The following SBF1 variants were observed in gnomAD, a reference collection of about 807,000 sequenced individuals.
SBF1 encodes the protein SET binding factor 1, also known as myotubularin-related protein 5.
SBF1 carries 65 observed loss-of-function variants against 215.8 expected under a neutral mutation model. That is an observed-to-expected ratio of 0.30 (90% CI 0.25 to 0.37). The LOEUF (loss-of-function observed/expected upper bound fraction) is 0.37, where lower values mean the gene tolerates loss of function less well. Among genes scored for constraint, SBF1 ranks in the 10% least tolerant of loss-of-function variants. The pLI, the probability that SBF1 is intolerant of heterozygous loss-of-function variation, is 1.00. For synonymous variants in SBF1, 1,410 were observed against 1,122.8 expected, an observed-to-expected ratio of 1.26 and a Z score of -5.11; for missense variants, 2,634 against 2,667.8, an observed-to-expected ratio of 0.99 and a Z score of 0.28.
Position 50,455,531 on chromosome 22 carries a change from C to A in SBF1, c.4318G>T (p.Gly1440Cys). The change falls in exon 32 of 41, where the codon GGC becomes TGC. Residue 1440 changes from glycine (G) to cysteine (C), a missense_variant. Transcript: ENST00000380817. ...SVLVVELLDS[G>C]SSVLVGLEDG... is the part of the protein sequence containing the mutation. ...TCCAGGCCCACCAGCACGGAGGAGC[C>A]TGAATCCAGGAGCTCCACCACCAGC... 1 of 1,600,270 alleles carries A rather than the reference C, an allele frequency of 6.2e-7. No individual in the cohort carries two copies. The highest frequency in any genetic ancestry group is 8.5e-7 in the Non-Finnish European group (1 of 1,173,816).
chr22:50,456,751 A>AG, intron 29 of SBF1, 78 bp from the exon 30 acceptor site: 1 of 1,299,338 alleles, frequency 7.7e-7, no homozygotes, highest in Non-Finnish European at 1.0e-6. Context: ...CCCGGCCTCC[A>AG]GGGAGGGGGC....
chr22:50,460,478 T>G, intron 24 of SBF1, 56 bp downstream of exon 24: 1 of 1,607,000 alleles, frequency 6.2e-7, no homozygotes, highest in Non-Finnish European at 8.5e-7. Context: ...CCTAGGAGGG[T>G]TGGAGCGGGA....
chr22:50,452,714 T>A (rs2067092068), intron 36 of SBF1, among the ~76,000 whole-genome samples: 3 of 86,738 alleles, frequency 3.5e-5, no homozygotes, highest in Non-Finnish European at 5.9e-5. Flanking sequence ...TGAGGGAGAC[T>A]CCATCTCTCA....
intron 7 of SBF1, 24 bp from the exon 8 acceptor site, chr22:50,466,282 G>A (rs1375074941): frequency 1.9e-6 from 3 of 1,613,258 alleles, no homozygotes; most frequent in Non-Finnish European, 2.5e-6. Flanking sequence ...AGAGGATGCA[G>A]TGAGCCAGGG....
chr22:50,452,513 G>GT (rs1395308367), intron 36 of SBF1, among the ~76,000 whole-genome samples: 1 of 152,032 alleles, frequency 6.6e-6, no homozygotes, highest in Non-Finnish European at 1.5e-5. Flanking sequence ...GAGGTCAGGA[G>GT]TTTGAGACTA....
intron 36 of SBF1, among the ~76,000 whole-genome samples, chr22:50,451,459 T>C (rs921155476): frequency 2.0e-5 from 3 of 151,946 alleles, no homozygotes; most frequent in Non-Finnish European, 4.4e-5. Context: ...ATTGCAAAGA[T>C]AAAGACTGAG....
In SBF1 at chr22:50,474,977, G is replaced by T. The variant is rs758311918; in HGVS notation, c.-137C>A. 1.7e-5 allele frequency: 6 copies of T among 344,104 alleles called. No homozygotes were observed. Among genetic ancestry groups the T allele is most frequent in the African/African-American group, 1.3e-4 (6 of 44,666 alleles). 21.3% of individuals were successfully genotyped at this position (344,104 alleles called of 1,614,324 possible). ...CCCTGGTTCGCTCCGCGGCGGCGGCGGCGGCGGCGGCGGCGGCCCAGGTTC... is the reference window on the plus strand; with the variant it reads ...CCCTGGTTCGCTCCGCGGCGGCGGCTGCGGCGGCGGCGGCGGCCCAGGTTC... On this transcript the variant is annotated 5_prime_UTR_variant, in exon 1 of 41. Transcript: ENST00000380817.
In SBF1 at chr22:50,453,735, G is replaced by A. The variant is rs150772332; in HGVS notation, c.5043+777C>T. The stretch of plus-strand genomic sequence containing the variant: ...CCGGGAGACGGAGCTTGCAGTGAGC[G>A]GAGATCGCGCCACTACACTCCAGCC... On this transcript the variant is annotated intron_variant, in intron 36 of 40. Coordinates refer to ENST00000380817, the MANE Select transcript of SBF1 (RefSeq NM_002972.4). Among the ~76,000 whole-genome samples, 298 of 152,154 alleles carry A rather than the reference G, an allele frequency of 2.0e-3. 1 individual carries two copies. The highest frequency in any genetic ancestry group is 6.8e-3 in the African/African-American group (282 of 41,492).
At chr22:50,459,044 A>AG (rs1360225579) in intron 28 of SBF1, among the ~76,000 whole-genome samples, 2 of 152,120 alleles carry the variant, frequency 1.3e-5, no homozygotes, top group African/African-American at 4.8e-5. Flanking sequence ...GCAGGAGGTC[A>AG]GGGCACACAC....
chr22:50,446,938 C>T lies in SBF1; in HGVS notation c.*204G>A. On this transcript the variant is annotated 3_prime_UTR_variant, in exon 41 of 41. Coordinates refer to ENST00000380817, the MANE Select transcript of SBF1 (RefSeq NM_002972.4). The stretch of plus-strand genomic sequence containing the variant: ...GGGCTGTACCTTGGCCACCTCCCGG[C>T]ACGGTGCTCAGCTGTGACGCCAAAA... 1.4e-6 allele frequency: 1 copy of T among 712,340 alleles called. No individual in the cohort carries two copies. The highest frequency in any genetic ancestry group is 1.5e-5 in the South Asian group (1 of 67,878). 44.1% of individuals were successfully genotyped at this position (712,340 alleles called of 1,614,324 possible).
rs1360185294 is a variant in SBF1 at position 50,446,444 on chromosome 22, G to C, written c.*698C>G. ...TCCACCTCAAGTGTCCTCTGGACCT[G>C]CAACAGCCTTCTGGGGTCAAATGAC... On this transcript the variant is annotated 3_prime_UTR_variant, in exon 41 of 41. Transcript: ENST00000380817. The C allele has an allele frequency of 6.0e-6, 1 of 165,842 alleles. No homozygotes were observed. Among genetic ancestry groups the C allele is most frequent in the African/African-American group, 2.5e-5 (1 of 39,474 alleles). 10.3% of individuals were successfully genotyped at this position (165,842 alleles called of 1,614,324 possible).
Position 50,447,130 on chromosome 22 carries a change from G to C in SBF1, c.*12C>G, listed in dbSNP as rs1569507824. ...CGACCGGAAGCAGAGCAGCCGGGCAGGGCTGGGAGGCTCAGGCGTCCGACA... is the reference window on the plus strand; with the variant it reads ...CGACCGGAAGCAGAGCAGCCGGGCACGGCTGGGAGGCTCAGGCGTCCGACA... On this transcript the variant is annotated 3_prime_UTR_variant, in exon 41 of 41. Transcript: ENST00000380817. The C allele has an allele frequency of 6.2e-7, 1 of 1,608,762 alleles. No individual in the cohort carries two copies. Among genetic ancestry groups the C allele is most frequent in the East Asian group, 2.2e-5 (1 of 44,760 alleles).
intron 26 of SBF1, 107 bp downstream of exon 26, chr22:50,459,845 C>T: frequency 7.0e-7 from 1 of 1,432,856 alleles, no homozygotes; most frequent in Non-Finnish European, 9.7e-7. Flanking sequence ...GGAGTCTCCC[C>T]CTCCACATTC....
Position 50,474,922 on chromosome 22 carries a change from C to A in SBF1, c.-82G>T. On this transcript the variant is annotated 5_prime_UTR_variant, in exon 1 of 41. Transcript: ENST00000380817. ...CGAGGACGGCGCGCTCATGGCCCGGCCCCGGCCCTGGACCGCGCACCCCGG... is the reference window on the plus strand; with the variant it reads ...CGAGGACGGCGCGCTCATGGCCCGGACCCGGCCCTGGACCGCGCACCCCGG... The A allele has an allele frequency of 9.3e-7, 1 of 1,077,974 alleles. No individual in the cohort carries two copies. The highest frequency in any genetic ancestry group is 1.2e-6 in the Non-Finnish European group (1 of 830,592). The allele number at this position is 1,077,974 out of a possible 1,614,324, so 66.8% of individuals were successfully genotyped here.
At chr22:50,453,620 C>T (rs9616848) in intron 36 of SBF1, among the ~76,000 whole-genome samples, 80,288 of 151,652 alleles carry the variant, frequency 0.53, 22,019 homozygotes, top group Non-Finnish European at 0.61. Flanking sequence ...ACCCCGTCTC[C>T]ACTAAAAATA....
chr22:50,465,718 C>A, intron 10 of SBF1, 45 bp downstream of exon 10: 3 of 1,537,304 alleles, frequency 2.0e-6, no homozygotes, highest in Admixed American at 2.0e-5. Flanking sequence ...GTGGGGGCAG[C>A]CTAAGTGCCT....
rs1353060818 is a variant in SBF1 at position 50,468,400 on chromosome 22, G to A, written c.117C>T (p.Asn39=). ...QRFPEKDWED[N]PFPQGIELFC... is the part of the protein sequence containing the mutation. Reference sequence around the variant, plus strand: ...CCAGCTCGATGCCCTGGGGGAATGGGTTGTCCTCCCAGTCCTTCTCTGGGA... The same window carrying A: ...CCAGCTCGATGCCCTGGGGGAATGGATTGTCCTCCCAGTCCTTCTCTGGGA... Residue 39 remains asparagine (N), a synonymous_variant, in exon 2 of 41, where the codon AAC becomes AAT. Coordinates refer to ENST00000380817, the MANE Select transcript of SBF1 (RefSeq NM_002972.4). 3 of 1,613,200 alleles carry A rather than the reference G, an allele frequency of 1.9e-6. No individual in the cohort carries two copies. The highest frequency in any genetic ancestry group is 2.5e-6 in the Non-Finnish European group (3 of 1,179,574).
intron 36 of SBF1, among the ~76,000 whole-genome samples, 195 bp downstream of exon 36, chr22:50,454,317 G>A (rs1451453541): frequency 2.0e-5 from 3 of 152,206 alleles, no homozygotes; most frequent in Non-Finnish European, 4.4e-5. Flanking sequence ...ACTGAGTGGT[G>A]CGGGGCCCTG....
Position 50,460,161 on chromosome 22 carries a change from T to C in SBF1, c.3284-2A>G. The C allele has an allele frequency of 1.9e-6, 3 of 1,610,770 alleles. No individual in the cohort carries two copies. The highest frequency in any genetic ancestry group is 2.5e-6 in the Non-Finnish European group (3 of 1,179,880). On this transcript the variant is annotated splice_acceptor_variant, in intron 25 of 40. Transcript: ENST00000380817. LOFTEE classifies it high-confidence loss of function. Reference sequence around the variant, plus strand: ...TGCTGGGCTCCAGCTCCTCCGACACTGCACAGGCCGGGCACACGTGGTCAT... The same window carrying C: ...TGCTGGGCTCCAGCTCCTCCGACACCGCACAGGCCGGGCACACGTGGTCAT...
Sources: allele counts gnomAD v4.1 joint callset (sites outside exome capture counted in the v4.1 genomes callset), GRCh38; gene constraint gnomAD v4.1.1; transcripts MANE v1.5; gene names NCBI Gene and HGNC (gene_info 2026-07-23, HGNC 2026-07-21).